SH2D4A: variants seen among roughly 807,000 people sequenced by gnomAD.
SH2D4A encodes SH2 domain containing 4A.
Under a neutral mutation model 64.7 loss-of-function variants are expected in SH2D4A, and 70 were observed. The ratio of observed to expected loss-of-function variants is 1.08; its 90% CI spans 0.89 to 1.32. The LOEUF is 1.32. Among genes scored for constraint, SH2D4A ranks in the 40% most tolerant of loss-of-function variants. The pLI is 0.00. For synonymous variants in SH2D4A, 268 were observed against 200.7 expected, an observed-to-expected ratio of 1.34 and a Z score of -2.83; for missense variants, 706 against 540.1, an observed-to-expected ratio of 1.31 and a Z score of -3.04.
rs779794314 is a variant in SH2D4A at position 19,393,428 on chromosome 8, T to C, written c.1159T>C (p.Ser387Pro). Residue 387 changes from serine (S) to proline (P), a missense_variant, in exon 9 of 10, where the codon TCG becomes CCG. Transcript: ENST00000265807. ...RIKGYALSYL[S>P]EDGCKHFLID... Reference sequence around the variant, plus strand: ...CAAAGGCTATGCCCTGTCCTATCTGTCGGAGGACGGCTGTAAACATTTCCT... The same window carrying C: ...CAAAGGCTATGCCCTGTCCTATCTGCCGGAGGACGGCTGTAAACATTTCCT... 1.2e-6 allele frequency: 2 copies of C among 1,614,228 alleles called. No individual in the cohort carries two copies. Among genetic ancestry groups the C allele is most frequent in the Non-Finnish European group, 1.7e-6 (2 of 1,180,036 alleles).
intron 2 of SH2D4A, among the ~76,000 whole-genome samples, chr8:19,330,570 A>G (rs2052352905): frequency 6.6e-6 from 1 of 152,072 alleles, no homozygotes; most frequent in South Asian, 2.1e-4. Flanking sequence ...GCTCACATGC[A>G]GTCCTAGGAT....
At chr8:19,376,102 C>T (rs889530406) in intron 8 of SH2D4A, among the ~76,000 whole-genome samples, 1 of 152,100 alleles carries the variant, frequency 6.6e-6, no homozygotes, top group Non-Finnish European at 1.5e-5. Flanking sequence ...AAGGAATTGA[C>T]TCACGTGATT....
intron 8 of SH2D4A, among the ~76,000 whole-genome samples, chr8:19,389,582 A>C (rs2053451246): frequency 6.6e-6 from 1 of 152,178 alleles, no homozygotes; most frequent in Non-Finnish European, 1.5e-5. Flanking sequence ...ACTGCCCATC[A>C]GACCTCACGC....
chr8:19,394,640 T>G lies in SH2D4A; in HGVS notation c.1363T>G (p.Ter455GlyextTer26), dbSNP rs776226957. ...GCCTGACTACCTGGAGCTGTTTGAG[T>G]GACAGCCTCCATCAGGGTCATCCTA... ...QLPDYLELFE[*>G] Residue 455 changes from the stop codon to glycine, a stop_lost, in exon 10 of 10, where the codon TGA (stop) becomes GGA (glycine). Coordinates refer to ENST00000265807, the MANE Select transcript of SH2D4A (RefSeq NM_022071.4). 2 of 1,605,310 alleles carry G rather than the reference T, an allele frequency of 1.2e-6. No homozygotes were observed. Among genetic ancestry groups the G allele is most frequent in the South Asian group, 1.1e-5 (1 of 90,072 alleles).
chr8:19,352,995 C>G (rs1347473030), intron 4 of SH2D4A, among the ~76,000 whole-genome samples: 3 of 152,034 alleles, frequency 2.0e-5, no homozygotes, highest in Non-Finnish European at 4.4e-5. Context: ...GGGAACAGAG[C>G]GAGACTCTGT....
intron 8 of SH2D4A, among the ~76,000 whole-genome samples, chr8:19,387,570 C>A (rs542019653): frequency 7.7e-4 from 118 of 152,286 alleles, no homozygotes; most frequent in Non-Finnish European, 1.3e-3. Context: ...TATTTTTGTA[C>A]CATCACATGC....
chr8:19,388,699 T>G (rs2153652190), intron 8 of SH2D4A, among the ~76,000 whole-genome samples: 1 of 152,222 alleles, frequency 6.6e-6, no homozygotes, highest in East Asian at 1.9e-4. Flanking sequence ...GAAATGCATC[T>G]CTTGTCCCTA....
intron 8 of SH2D4A, among the ~76,000 whole-genome samples, chr8:19,386,558 T>C (rs2053396011): frequency 6.6e-6 from 1 of 152,158 alleles, no homozygotes; most frequent in Non-Finnish European, 1.5e-5. Context: ...CCACTACACA[T>C]GCCCAGGACT....
intron 4 of SH2D4A, among the ~76,000 whole-genome samples, chr8:19,349,628 C>T (rs1037086544): frequency 6.6e-6 from 1 of 152,094 alleles, no homozygotes; most frequent in African/African-American, 2.4e-5. Flanking sequence ...CTAAGTTTCC[C>T]AATCCATAAA....
intron 2 of SH2D4A, among the ~76,000 whole-genome samples, chr8:19,326,689 G>C (rs1343114936): frequency 6.6e-6 from 1 of 151,962 alleles, no homozygotes; most frequent in Admixed American, 6.6e-5. Context: ...GTGTGTGTGA[G>C]AGCATGTGTG....
At chr8:19,348,536 G>A (rs541695640) in intron 4 of SH2D4A, among the ~76,000 whole-genome samples, 6 of 152,198 alleles carry the variant, frequency 3.9e-5, no homozygotes, top group South Asian at 4.1e-4. Context: ...AATTAAGAGC[G>A]CTGTCCACTC....
At chr8:19,316,818 C>A (rs2052096403) in intron 1 of SH2D4A, among the ~76,000 whole-genome samples, 2 of 152,212 alleles carry the variant, frequency 1.3e-5, no homozygotes, top group Non-Finnish European at 2.9e-5. Context: ...TTACCAGCTG[C>A]TGACCTGTGC....
At chr8:19,344,482 G>T (rs1487709626) in intron 4 of SH2D4A, among the ~76,000 whole-genome samples, 1 of 152,228 alleles carries the variant, frequency 6.6e-6, no homozygotes, top group Admixed American at 6.5e-5. Context: ...TTCTTCTGCT[G>T]TCTCTCTTTG....
At chr8:19,338,586 G>T (rs747915682) in intron 4 of SH2D4A, among the ~76,000 whole-genome samples, 3 of 152,182 alleles carry the variant, frequency 2.0e-5, no homozygotes, top group Middle Eastern at 3.2e-3. Flanking sequence ...GATGTTCCTG[G>T]CTTTGATGAT....
At chr8:19,330,206 A>G (rs2052348348) in intron 2 of SH2D4A, among the ~76,000 whole-genome samples, 2 of 152,150 alleles carry the variant, frequency 1.3e-5, no homozygotes, top group Non-Finnish European at 2.9e-5. Flanking sequence ...TGTGAAGCCG[A>G]GGGTATCCCA....
chr8:19,365,497 G>A (rs982166900), intron 7 of SH2D4A, among the ~76,000 whole-genome samples: 1 of 152,162 alleles, frequency 6.6e-6, no homozygotes, highest in African/African-American at 2.4e-5. Flanking sequence ...GCACGTTGGC[G>A]ACAGAGCCTC....
intron 8 of SH2D4A, among the ~76,000 whole-genome samples, chr8:19,377,632 G>T (rs550934885): frequency 6.6e-6 from 1 of 152,172 alleles, no homozygotes; most frequent in African/African-American, 2.4e-5. Context: ...CACATAGACA[G>T]GCTCATTCAT....
intron 4 of SH2D4A, among the ~76,000 whole-genome samples, chr8:19,353,899 T>C (rs1242240810): frequency 6.6e-6 from 1 of 152,008 alleles, no homozygotes; most frequent in East Asian, 1.9e-4. Context: ...TCTTAGTATG[T>C]GTGAATAGCT....
At chr8:19,370,121 A>C (rs2053069661) in intron 7 of SH2D4A, among the ~76,000 whole-genome samples, 1 of 151,906 alleles carries the variant, frequency 6.6e-6, no homozygotes, top group South Asian at 2.1e-4. Context: ...TTTTCCTCCT[A>C]TTACTGATTT....
Sources: gnomAD v4.1 joint callset for allele counts (sites outside exome capture counted in the v4.1 genomes callset) on GRCh38, gnomAD v4.1.1 for gene constraint, MANE v1.5 for transcripts, NCBI Gene and HGNC (gene_info 2026-07-23, HGNC 2026-07-21) for gene names.